MIGA1: variants seen among roughly 807,000 people sequenced by gnomAD.
The protein encoded by MIGA1 is mitoguardin 1.
MIGA1 carries 58 observed loss-of-function variants against 82.0 expected under a neutral mutation model. That is an observed-to-expected ratio of 0.71 (90% CI 0.57 to 0.88). The LOEUF (loss-of-function observed/expected upper bound fraction) is 0.88, where lower values mean the gene tolerates loss of function less well. Among genes scored for constraint, MIGA1 ranks in the 40% least tolerant of loss-of-function variants. The pLI, the probability that MIGA1 is intolerant of heterozygous loss-of-function variation, is 0.00. For missense variants in MIGA1, 751 were observed against 749.1 expected (o/e 1.00, Z -0.03); for synonymous variants, 249 against 253.6 (o/e 0.98, Z 0.17).
intron 7 of MIGA1, among the ~76,000 whole-genome samples, chr1:77,815,889 C>T (rs1683552751): frequency 6.6e-6 from 1 of 152,164 alleles, no homozygotes; most frequent in South Asian, 2.1e-4. Context: ...GCCACCATGC[C>T]TTGCTAATTA....
At chr1:77,780,753 G>A (rs963853695) in intron 1 of MIGA1, among the ~76,000 whole-genome samples, 1 of 151,684 alleles carries the variant, frequency 6.6e-6, no homozygotes, top group Non-Finnish European at 1.5e-5. Context: ...GCTTCTGAAA[G>A]CAAATGAAAT....
At chr1:77,856,779 A>C (rs1685273482) in intron 8 of MIGA1, among the ~76,000 whole-genome samples, 1 of 152,016 alleles carries the variant, frequency 6.6e-6, no homozygotes, top group Non-Finnish European at 1.5e-5. Flanking sequence ...TTTCTTGGTT[A>C]ATCTTGCTAA....
intron 8 of MIGA1, among the ~76,000 whole-genome samples, chr1:77,846,723 A>G (rs1237789374): frequency 2.6e-5 from 4 of 151,938 alleles, no homozygotes; most frequent in African/African-American, 9.7e-5. Context: ...CAAGGCAGGC[A>G]GATCACAAGG....
At chr1:77,817,955 ATTTT>A (rs10676009) in intron 7 of MIGA1, among the ~76,000 whole-genome samples, 2 of 115,598 alleles carry the variant, frequency 1.7e-5, no homozygotes, top group Admixed American at 9.3e-5. Flanking sequence ...AGATTGGAAG[ATTTT>A]TTTTTTTTTT....
At chr1:77,786,170 G>A (rs1341749870) in intron 2 of MIGA1, among the ~76,000 whole-genome samples, 1 of 152,208 alleles carries the variant, frequency 6.6e-6, no homozygotes, top group African/African-American at 2.4e-5. Flanking sequence ...AAGCTCTATG[G>A]TGGCCCCTTT....
chr1:77,791,112 G>C (rs145156830), intron 2 of MIGA1, among the ~76,000 whole-genome samples: 3 of 152,080 alleles, frequency 2.0e-5, no homozygotes, highest in Non-Finnish European at 4.4e-5. Context: ...TGGGCATGGT[G>C]GTAGGTGCCT....
At chr1:77,848,990 A>G (rs1350165803) in intron 8 of MIGA1, among the ~76,000 whole-genome samples, 1 of 151,664 alleles carries the variant, frequency 6.6e-6, no homozygotes, top group Non-Finnish European at 1.5e-5. Context: ...TGTTTGGCTG[A>G]ATTTATATAG....
chr1:77,790,092 G>T (rs765789522), intron 2 of MIGA1, among the ~76,000 whole-genome samples: 25 of 152,080 alleles, frequency 1.6e-4, no homozygotes, highest in Non-Finnish European at 3.2e-4. Flanking sequence ...TCCCCCAATG[G>T]TTACATTTTA....
intron 14 of MIGA1, among the ~76,000 whole-genome samples, chr1:77,868,926 T>C (rs970075221): frequency 6.6e-6 from 1 of 151,160 alleles, no homozygotes; most frequent in Non-Finnish European, 1.5e-5. Flanking sequence ...TTTCTTTTTT[T>C]TTTTAATTTA....
At chr1:77,869,378 A>AT (rs756309354) in intron 14 of MIGA1, among the ~76,000 whole-genome samples, 1 of 148,584 alleles carries the variant, frequency 6.7e-6, no homozygotes, top group African/African-American at 2.5e-5. Context: ...CGATTTCTCA[A>AT]TTTTTTCCCC....
intron 7 of MIGA1, among the ~76,000 whole-genome samples, chr1:77,836,335 A>G (rs953424699): frequency 1.3e-5 from 2 of 152,230 alleles, no homozygotes; most frequent in Admixed American, 6.5e-5. Flanking sequence ...TCTAGAACCC[A>G]TGGTTTTAAC....
chr1:77,807,821 CCTCT>C (rs770503424), intron 5 of MIGA1, among the ~76,000 whole-genome samples: 2 of 151,908 alleles, frequency 1.3e-5, no homozygotes, highest in Non-Finnish European at 2.9e-5. Flanking sequence ...CCTATCTCTC[CCTCT>C]CTCTCTTTTT....
At chr1:77,830,252 A>C (rs74225875) in intron 7 of MIGA1, among the ~76,000 whole-genome samples, 4,615 of 152,198 alleles carry the variant, frequency 0.03, 91 homozygotes, top group Middle Eastern at 0.099. Flanking sequence ...TTCTTTACTT[A>C]GGTCTTCATT....
chr1:77,779,685 C>A lies in MIGA1; in HGVS notation c.30C>A (p.Ile10=). 6.3e-7 allele frequency: 1 copy of A among 1,590,106 alleles called. No individual in the cohort carries two copies. Among genetic ancestry groups the A allele is most frequent in the South Asian group, 1.1e-5 (1 of 87,166 alleles). The change falls in exon 1 of 16, where the codon ATC becomes ATA. Residue 10 remains isoleucine (I), a synonymous_variant. Coordinates refer to ENST00000370791, the MANE Select transcript of MIGA1 (RefSeq NM_198549.4). Reference sequence around the variant, plus strand: ...CAGACTGCTGCTCAGCGCCAGGCATCAGCTGGGAAGCTGGCGTGGGCAGGC... The same window carrying A: ...CAGACTGCTGCTCAGCGCCAGGCATAAGCTGGGAAGCTGGCGTGGGCAGGC...
Position 77,859,004 on chromosome 1 carries a change from G to C in MIGA1, c.1063G>C (p.Glu355Gln). The C allele has an allele frequency of 6.2e-7, 1 of 1,613,928 alleles. No individual in the cohort carries two copies. The highest frequency in any genetic ancestry group is 8.5e-7 in the Non-Finnish European group (1 of 1,179,872). Residue 355 changes from glutamate to glutamine, a missense_variant, in exon 9 of 16, where the codon GAG (glutamate) becomes CAG (glutamine). Coordinates refer to ENST00000370791, the MANE Select transcript of MIGA1 (RefSeq NM_198549.4). ...GTCCCTTTGTCACTGCCCATTTTAC[G>C]AGGAAGCCATGCATTTAGTTGAAGA...
chr1:77,803,370 C>A lies in MIGA1; in HGVS notation c.474C>A (p.Phe158Leu), dbSNP rs146990716. ...GTAACTATGCTAATGGAGGACTTTT[C>A]AGTAAATATTCAGGTTCTGCACAGA... Residue 158 changes from phenylalanine to leucine, a missense_variant, in exon 4 of 16, where the codon TTC becomes TTA. Physicochemically the swap from Phe to Leu is conservative, Grantham distance 22. Around this residue, in one of 3 missense-constraint regions of MIGA1, gnomAD observed 482 missense variants for 439.4 expected, o/e 1.10. Coordinates refer to ENST00000370791, the MANE Select transcript of MIGA1 (RefSeq NM_198549.4). 6.4e-7 allele frequency: 1 copy of A among 1,564,708 alleles called. No individual in the cohort carries two copies. The highest frequency in any genetic ancestry group is 1.8e-5 in the Admixed American group (1 of 54,414).
At chr1:77,783,381 A>T (rs370513713) in intron 2 of MIGA1, 30 bp downstream of exon 2, 2 of 1,328,116 alleles carry the variant, frequency 1.5e-6, no homozygotes, top group East Asian at 2.3e-5. Flanking sequence ...AGGAAGTTGA[A>T]TATTAAGCTT....
intron 2 of MIGA1, among the ~76,000 whole-genome samples, chr1:77,791,811 G>C (rs1329002334): frequency 2.0e-5 from 3 of 152,002 alleles, no homozygotes; most frequent in Non-Finnish European, 4.4e-5. Flanking sequence ...TGATCTACCT[G>C]CCTCAGCCTC....
chr1:77,807,054 A>C lies in MIGA1; in HGVS notation c.590A>C (p.Lys197Thr). The C allele has an allele frequency of 6.2e-7, 1 of 1,603,194 alleles. No individual in the cohort carries two copies. The highest frequency in any genetic ancestry group is 8.5e-7 in the Non-Finnish European group (1 of 1,170,382). The change falls in exon 5 of 16, where the codon AAA (lysine) becomes ACA (threonine). Residue 197 changes from lysine to threonine, a missense_variant. By Grantham distance (78) the Lys-to-Thr change is moderately conservative. Coordinates refer to ENST00000370791, the MANE Select transcript of MIGA1 (RefSeq NM_198549.4). ...GACAAAGCAGATGAAGATGATATTA[A>C]ACTTGTTAATATTCCTGTGACTACT...
Sources: gnomAD v4.1 joint callset for allele counts (sites outside exome capture counted in the v4.1 genomes callset) on GRCh38, gnomAD v4.1.1 for gene constraint, gnomAD v4.1.1 regional missense constraint, MANE v1.5 for transcripts, NCBI Gene and HGNC (gene_info 2026-07-23, HGNC 2026-07-21) for gene names.